The following ZNF175 variants were observed in gnomAD, a reference collection of about 807,000 sequenced individuals.
ZNF175 encodes the protein zinc finger protein 175.
A neutral mutation model predicts 14.0 loss-of-function variants in ZNF175; 8 were observed. The observed-to-expected ratio is 0.57, with a 90% CI of 0.34 to 1.03. The LOEUF is 1.03. Among genes scored for constraint, ZNF175 ranks in the 50% least tolerant of loss-of-function variants. ZNF175 has a pLI of 0.03. For missense variants in ZNF175, 764 were observed against 849.5 expected (o/e 0.90, Z 1.25); for synonymous variants, 255 against 296.8 (o/e 0.86, Z 1.45).
rs1042305302 is a variant in ZNF175 at position 51,581,853 on chromosome 19, A to C, written c.266A>C (p.Glu89Ala). ...MLKEKEPRVEEAEVSHQRCQE... is the reference protein window; with the variant it reads ...MLKEKEPRVEAAEVSHQRCQE... ...AAAGAAAAGGAGCCGCGTGTGGAGG[A>C]GGCTGAAGTCTCACATCAGAGGTGT... The change falls in exon 4 of 5, where the codon GAG becomes GCG. Residue 89 changes from glutamate (E) to alanine (A), a missense_variant. By Grantham distance (107) the Glu-to-Ala change is moderately radical. Transcript: ENST00000262259. 6.2e-7 allele frequency: 1 copy of C among 1,613,764 alleles called. No individual in the cohort carries two copies. Among genetic ancestry groups the C allele is most frequent in the Non-Finnish European group, 8.5e-7 (1 of 1,179,854 alleles).
At position 51,589,077 on chromosome 19, in the gene ZNF175, G is replaced by C; in HGVS notation, c.*610G>C. ...TTTATTGGTTGAGCATCCCTAATCT[G>C]AAAATCCAAGATTAAATGCTCCAAT... On this transcript the variant is annotated 3_prime_UTR_variant, in exon 5 of 5. Coordinates refer to ENST00000262259, the MANE Select transcript of ZNF175 (RefSeq NM_007147.4). 4.6e-6 allele frequency: 1 copy of C among 216,726 alleles called. No homozygotes were observed. The highest frequency in any genetic ancestry group is 8.9e-6 in the Non-Finnish European group (1 of 111,896). 13.4% of individuals were successfully genotyped at this position (216,726 alleles called of 1,614,324 possible).
chr19:51,581,466 T>A lies in ZNF175; in HGVS notation c.148T>A (p.Cys50Ser), dbSNP rs763538756. The A allele has an allele frequency of 6.8e-6, 11 of 1,614,150 alleles. No homozygotes were observed. Among genetic ancestry groups the A allele is most frequent in the Non-Finnish European group, 9.3e-6 (11 of 1,180,022 alleles). ...EWQQLDPAQR[C>S]LYRDVMLELY... ...GCAGCAACTGGACCCTGCCCAGAGA[T>A]GCCTGTACCGGGATGTGATGCTGGA... Residue 50 changes from cysteine (C) to serine (S), a missense_variant, in exon 3 of 5, where the codon TGC (cysteine) becomes AGC (serine). Transcript: ENST00000262259.
chr19:51,573,662 A>C (rs1426178549), intron 2 of ZNF175: 1 of 469,242 alleles, frequency 2.1e-6, no homozygotes, highest in Non-Finnish European at 3.7e-6. Flanking sequence ...AGCCCCAGTC[A>C]TAGGATGGAA....
At position 51,591,325 on chromosome 19, in the gene ZNF175, T is replaced by C. The variant is rs1164545098; in HGVS notation, c.*2858T>C. On this transcript the variant is annotated 3_prime_UTR_variant, in exon 5 of 5. Coordinates refer to ENST00000262259, the MANE Select transcript of ZNF175 (RefSeq NM_007147.4). The stretch of plus-strand genomic sequence containing the variant: ...TCTGTACTCAATGCCTGTGGGATAA[T>C]AGACGGAGGAATCTGGAGTTTGGTT... 1 of 152,346 alleles carries C rather than the reference T, an allele frequency of 6.6e-6. No individual in the cohort carries two copies. Among genetic ancestry groups the C allele is most frequent in the African/African-American group, 2.4e-5 (1 of 41,452 alleles). 9.4% of individuals were successfully genotyped at this position (152,346 alleles called of 1,614,324 possible). A position where few individuals can be genotyped will look rare whatever the true frequency, so the allele number is the denominator to read the frequency against.
rs1479030149 is a variant in ZNF175, at chr19:51,588,769, A to G, written c.*302A>G. 10 of 426,640 alleles carry G rather than the reference A, an allele frequency of 2.3e-5. No individual in the cohort carries two copies. Among genetic ancestry groups the G allele is most frequent in the Admixed American group, 3.9e-5 (1 of 25,862 alleles). The allele number at this position is 426,640 out of a possible 1,614,324, so 26.4% of individuals were successfully genotyped here. On this transcript the variant is annotated 3_prime_UTR_variant, in exon 5 of 5. Transcript: ENST00000262259. ...ATTGAGAAAAGCCTTTCTGTAAAGA[A>G]TGGTACAAGACAGGTTGTTACTCGA...
chr19:51,574,766 T>C (rs1315654022), intron 2 of ZNF175, among the ~76,000 whole-genome samples: 1 of 152,250 alleles, frequency 6.6e-6, no homozygotes, highest in African/African-American at 2.4e-5. Flanking sequence ...GTTGGTCAAC[T>C]TGCGTGTTCA....
rs1982216700 is a variant in ZNF175, at chr19:51,587,719, T to C, written c.1388T>C (p.Ile463Thr). 4.3e-6 allele frequency: 7 copies of C among 1,614,068 alleles called. No homozygotes were observed. The highest frequency in any genetic ancestry group is 2.2e-5 in the East Asian group (1 of 44,858). ...GQAFIQKAHL[I>T]VHQRSHTGEK... The stretch of plus-strand genomic sequence containing the variant: ...GCCTTCATCCAGAAGGCACACCTGA[T>C]TGTCCATCAAAGAAGCCACACAGGA... Residue 463 changes from isoleucine to threonine, a missense_variant, in exon 5 of 5, where the codon ATT becomes ACT. Ile to Thr is a moderately conservative substitution (Grantham distance 89, BLOSUM62 -1). Coordinates refer to ENST00000262259, the MANE Select transcript of ZNF175 (RefSeq NM_007147.4).
At chr19:51,586,580 T>C (rs754772017) in intron 4 of ZNF175, 47 bp from the exon 5 acceptor site, 2 of 1,527,556 alleles carry the variant, frequency 1.3e-6, no homozygotes, top group Non-Finnish European at 1.8e-6. Flanking sequence ...CAGTTTCTCC[T>C]CTTTCTTGTT....
chr19:51,588,911 G>A lies in ZNF175; in HGVS notation c.*444G>A, dbSNP rs1398256403. 5.0e-6 allele frequency: 2 copies of A among 396,138 alleles called. No homozygotes were observed. Among genetic ancestry groups the A allele is most frequent in the Admixed American group, 4.3e-5 (1 of 23,268 alleles). The allele number at this position is 396,138 out of a possible 1,614,324, so 24.5% of individuals were successfully genotyped here. ...ATAGGACAATATTTTATGTGTGTGT[G>A]TGCGCCTTATGTATATAAGCATATA... On this transcript the variant is annotated 3_prime_UTR_variant, in exon 5 of 5. Coordinates refer to ENST00000262259, the MANE Select transcript of ZNF175 (RefSeq NM_007147.4).
At chr19:51,581,317 G>C (rs547564180) in intron 2 of ZNF175, 74 bp from the exon 3 acceptor site, 14 of 1,608,476 alleles carry the variant, frequency 8.7e-6, no homozygotes, top group East Asian at 2.2e-5. Context: ...TTAAAAGCAT[G>C]TTCCTCCTAT....
Position 51,587,962 on chromosome 19 carries a change from C to T in ZNF175, c.1631C>T (p.Ser544Leu). 6.2e-7 allele frequency: 1 copy of T among 1,614,140 alleles called. No individual in the cohort carries two copies. Among genetic ancestry groups the T allele is most frequent in the Non-Finnish European group, 8.5e-7 (1 of 1,180,008 alleles). Reference sequence around the variant, plus strand: ...TGCGGGAAAGCCTTCAACCAGAAGTCAATACTCAGCATGCATCAGAGAATT... The same window carrying T: ...TGCGGGAAAGCCTTCAACCAGAAGTTAATACTCAGCATGCATCAGAGAATT... Reference protein sequence around the residue: ...SECGKAFNQKSILSMHQRIHT... With the variant: ...SECGKAFNQKLILSMHQRIHT... Residue 544 changes from serine (S) to leucine (L), a missense_variant, in exon 5 of 5, where the codon TCA becomes TTA. Ser to Leu is a moderately radical substitution (Grantham distance 145). Coordinates refer to ENST00000262259, the MANE Select transcript of ZNF175 (RefSeq NM_007147.4).
In ZNF175 at chr19:51,589,570, T is replaced by C. The variant is rs1982290844; in HGVS notation, c.*1103T>C. On this transcript the variant is annotated 3_prime_UTR_variant, in exon 5 of 5. Coordinates refer to ENST00000262259, the MANE Select transcript of ZNF175 (RefSeq NM_007147.4). ...TAGGATTAGCTCAGCTTGCCCCCCC[T>C]TTCCATCTCCACCATCTATAGTGAG... is the stretch of plus-strand genomic sequence containing the variant. 1.4e-6 allele frequency: 1 copy of C among 702,150 alleles called. No homozygotes were observed. The highest frequency in any genetic ancestry group is 2.6e-6 in the Non-Finnish European group (1 of 384,806). The allele number at this position is 702,150 out of a possible 1,614,324, so 43.5% of individuals were successfully genotyped here.
chr19:51,575,208 G>T (rs1981730568), intron 2 of ZNF175, among the ~76,000 whole-genome samples: 2 of 99,214 alleles, frequency 2.0e-5, no homozygotes, highest in East Asian at 4.1e-4. Flanking sequence ...TTTTTAGAGA[G>T]GTTTTTTTTT....
At position 51,591,348 on chromosome 19, in the gene ZNF175, G is replaced by C. The variant is rs1982339586; in HGVS notation, c.*2881G>C. Reference sequence around the variant, plus strand: ...AATAGACGGAGGAATCTGGAGTTTGGTTGGGTGATTAGCTTTGGAATTGAT... The same window carrying C: ...AATAGACGGAGGAATCTGGAGTTTGCTTGGGTGATTAGCTTTGGAATTGAT... On this transcript the variant is annotated 3_prime_UTR_variant, in exon 5 of 5. Coordinates refer to ENST00000262259, the MANE Select transcript of ZNF175 (RefSeq NM_007147.4). The C allele has an allele frequency of 6.6e-6, 1 of 152,336 alleles. No individual in the cohort carries two copies. Among genetic ancestry groups the C allele is most frequent in the African/African-American group, 2.4e-5 (1 of 41,442 alleles). 9.4% of individuals were successfully genotyped at this position (152,336 alleles called of 1,614,324 possible). A position where few individuals can be genotyped will look rare whatever the true frequency, so the allele number is the denominator to read the frequency against.
At chr19:51,577,857 G>GT (rs1555785291) in intron 2 of ZNF175, among the ~76,000 whole-genome samples, 1 of 151,316 alleles carries the variant, frequency 6.6e-6, no homozygotes, top group Non-Finnish European at 1.5e-5. Context: ...TAGAGATGGG[G>GT]TTTCACCGTG....
intron 2 of ZNF175, among the ~76,000 whole-genome samples, chr19:51,575,741 T>G (rs1385915447): frequency 2.0e-5 from 3 of 152,208 alleles, no homozygotes; most frequent in African/African-American, 4.8e-5. Context: ...AGTGACATGC[T>G]TATATTGCTG....
chr19:51,576,223 T>C (rs1981783828), intron 2 of ZNF175, among the ~76,000 whole-genome samples: 1 of 150,950 alleles, frequency 6.6e-6, no homozygotes, highest in Non-Finnish European at 1.5e-5. Flanking sequence ...CGATCTTGGC[T>C]CACTGCAACC....
At position 51,589,210 on chromosome 19, in the gene ZNF175, G is replaced by GTATA; in HGVS notation, c.*749_*752dup. ...TACGTATATTTCTGTATCTATGTAT[G>GTATA]TATATATATGCATATGCAGACATAT... On this transcript the variant is annotated 3_prime_UTR_variant, in exon 5 of 5. Coordinates refer to ENST00000262259, the MANE Select transcript of ZNF175 (RefSeq NM_007147.4). The GTATA allele has an allele frequency of 3.9e-6, 1 of 253,796 alleles. No individual in the cohort carries two copies. Among genetic ancestry groups the GTATA allele is most frequent in the East Asian group, 7.6e-5 (1 of 13,074 alleles). The allele number at this position is 253,796 out of a possible 1,614,324, so 15.7% of individuals were successfully genotyped here.
In ZNF175 at chr19:51,578,977, A is replaced by G. The variant is rs75421976; in HGVS notation, c.73-2414A>G. Among the ~76,000 whole-genome samples, 592 of 152,072 alleles carry G rather than the reference A, an allele frequency of 3.9e-3. 25 individuals carry two copies. The East Asian group carries it at 0.078, about 20-fold the overall frequency. On this transcript the variant is annotated intron_variant, in intron 2 of 4. Transcript: ENST00000262259. Reference sequence around the variant, plus strand: ...ACAAAAAATACAAAAATTAAGGCTGAGTGTGGTGACTCACACCTGTAATCT... The same window carrying G: ...ACAAAAAATACAAAAATTAAGGCTGGGTGTGGTGACTCACACCTGTAATCT...
Sources: gnomAD v4.1 joint callset for allele counts (sites outside exome capture counted in the v4.1 genomes callset) on GRCh38, gnomAD v4.1.1 for gene constraint, MANE v1.5 for transcripts, NCBI Gene and HGNC (gene_info 2026-07-23, HGNC 2026-07-21) for gene names.